The following EGF variants were observed in gnomAD, a reference collection of about 807,000 sequenced individuals.
The protein encoded by EGF is epidermal growth factor, also known as pro-epidermal growth factor.
Under a neutral mutation model 143.8 loss-of-function variants are expected in EGF, and 95 were observed. The ratio of observed to expected loss-of-function variants is 0.66; its 90% CI spans 0.56 to 0.78. The LOEUF is 0.78. Among genes scored for constraint, EGF ranks in the 30% least tolerant of loss-of-function variants. The pLI, the probability that EGF is intolerant of heterozygous loss-of-function variation, is 0.00. For missense variants in EGF, 1,320 were observed against 1,470.9 expected, an observed-to-expected ratio of 0.90 and a Z score of 1.68; for synonymous variants, 510 against 510.5, an observed-to-expected ratio of 1.00 and a Z score of 0.01.
intron 16 of EGF, among the ~76,000 whole-genome samples, chr4:109,985,555 G>A (rs981182116): frequency 1.3e-5 from 2 of 152,208 alleles, no homozygotes; most frequent in East Asian, 3.8e-4. Context: ...GGACATGTGT[G>A]CTAGTTGTTT....
chr4:109,966,038 A>ATATATAT (rs372873582), intron 10 of EGF, among the ~76,000 whole-genome samples: 3 of 150,392 alleles, frequency 2.0e-5, no homozygotes, highest in East Asian at 1.9e-4. Flanking sequence ...TCTTTAAAAA[A>ATATATAT]ATATATATAT....
At chr4:109,982,581 G>C (rs1749544383) in intron 15 of EGF, among the ~76,000 whole-genome samples, 1 of 152,160 alleles carries the variant, frequency 6.6e-6, no homozygotes, top group Non-Finnish European at 1.5e-5. Flanking sequence ...ACCCGCCTTG[G>C]CCTCCCAAAG....
Position 110,011,363 on chromosome 4 carries a change from G to T in EGF, c.3532G>T (p.Gly1178Cys), listed in dbSNP as rs376756269. 6.2e-7 allele frequency: 1 copy of T among 1,614,094 alleles called. No homozygotes were observed. ...CTATGGGACACAGACCCTTGAAGGGGGTGTCGAGAAGCCCCATTCTCTCCT... is the reference window on the plus strand; with the variant it reads ...CTATGGGACACAGACCCTTGAAGGGTGTGTCGAGAAGCCCCATTCTCTCCT... Reference protein sequence around the residue: ...PSYGTQTLEGGVEKPHSLLSA... With the variant: ...PSYGTQTLEGCVEKPHSLLSA... Residue 1178 changes from glycine to cysteine, a missense_variant, in exon 24 of 24, where the codon GGT becomes TGT. Gly to Cys is a radical substitution (Grantham distance 159). Transcript: ENST00000265171.
At chr4:109,979,774 A>G (rs1345934350) in intron 13 of EGF, among the ~76,000 whole-genome samples, 198 bp from the exon 14 acceptor site, 1 of 152,096 alleles carries the variant, frequency 6.6e-6, no homozygotes, top group East Asian at 1.9e-4. Context: ...CTATGCTCCC[A>G]TTCTAAGGTG....
At chr4:109,941,265 CA>C in intron 2 of EGF, 120 bp downstream of exon 2, 1 of 852,662 alleles carries the variant, frequency 1.2e-6, no homozygotes. Flanking sequence ...GCGTGTCTGC[CA>C]AATATAGGCA....
At chr4:110,010,173 C>A (rs1304824161) in intron 23 of EGF, among the ~76,000 whole-genome samples, 1 of 151,988 alleles carries the variant, frequency 6.6e-6, no homozygotes, top group Non-Finnish European at 1.5e-5. Context: ...GTAGGAGGAT[C>A]CCTTGAGCCT....
At chr4:109,999,488 G>C (rs1752264517) in intron 20 of EGF, among the ~76,000 whole-genome samples, 191 bp from the exon 21 acceptor site, 1 of 152,202 alleles carries the variant, frequency 6.6e-6, no homozygotes, top group Non-Finnish European at 1.5e-5. Context: ...ACAGACGAAA[G>C]GGAGAAGTCC....
chr4:109,978,498 T>C (rs1748847838), intron 13 of EGF, among the ~76,000 whole-genome samples: 1 of 152,182 alleles, frequency 6.6e-6, no homozygotes, highest in Non-Finnish European at 1.5e-5. Flanking sequence ...AAAAGACACG[T>C]ACTGTACAAT....
In EGF at chr4:109,999,667, G is replaced by T; in HGVS notation, c.3006-12G>T. ...GGCATCTCTGATGACCTCTGTTTGTGTGTTGTCACAGCTGTGTTGTTGGCT... is the reference window on the plus strand; with the variant it reads ...GGCATCTCTGATGACCTCTGTTTGTTTGTTGTCACAGCTGTGTTGTTGGCT... On this transcript the variant is annotated splice_polypyrimidine_tract_variant and intron_variant, in intron 20 of 23. Coordinates refer to ENST00000265171, the MANE Select transcript of EGF (RefSeq NM_001963.6). The T allele has an allele frequency of 6.2e-7, 1 of 1,614,160 alleles. No individual in the cohort carries two copies. Among genetic ancestry groups the T allele is most frequent in the Non-Finnish European group, 8.5e-7 (1 of 1,180,010 alleles).
At chr4:109,933,108 A>G (rs1740086012) in intron 1 of EGF, among the ~76,000 whole-genome samples, 1 of 152,156 alleles carries the variant, frequency 6.6e-6, no homozygotes, top group Non-Finnish European at 1.5e-5. Flanking sequence ...TTTTTTTCCC[A>G]TAATAATCCT....
intron 10 of EGF, 83 bp from the exon 11 acceptor site, chr4:109,968,888 A>G (rs1747097974): frequency 5.0e-6 from 8 of 1,588,108 alleles, no homozygotes; most frequent in Non-Finnish European, 3.4e-6. Context: ...AACACCCTGT[A>G]CAACCTAAAG....
At chr4:109,942,264 A>C (rs948611313) in intron 2 of EGF, among the ~76,000 whole-genome samples, 1 of 152,240 alleles carries the variant, frequency 6.6e-6, no homozygotes, top group Non-Finnish European at 1.5e-5. Flanking sequence ...CCATCCTTAT[A>C]TTCCTTCCTT....
At chr4:109,961,388 A>G (rs2126059355) in intron 7 of EGF, among the ~76,000 whole-genome samples, 1 of 152,106 alleles carries the variant, frequency 6.6e-6, no homozygotes, top group South Asian at 2.1e-4. Context: ...GGATGACTGG[A>G]CTCTACCCCA....
At chr4:109,919,741 G>A (rs1038974405) in intron 1 of EGF, among the ~76,000 whole-genome samples, 2 of 151,522 alleles carry the variant, frequency 1.3e-5, no homozygotes, top group Non-Finnish European at 2.9e-5. Flanking sequence ...GATGGGGTAA[G>A]GATGAGAGAG....
intron 22 of EGF, 79 bp from the exon 23 acceptor site, chr4:110,008,073 T>A (rs1753545232): frequency 9.2e-6 from 12 of 1,302,468 alleles, no homozygotes; most frequent in Non-Finnish European, 1.3e-5. Context: ...CGTAAAGCCA[T>A]AGACTTTGAT....
chr4:109,983,610 G>T (rs761882548), intron 16 of EGF, 69 bp downstream of exon 16: 8 of 1,602,318 alleles, frequency 5.0e-6, no homozygotes, highest in African/African-American at 2.7e-5. Flanking sequence ...GAGAAATTTT[G>T]AATTACCTTT....
At chr4:109,921,356 GT>G (rs539105815) in intron 1 of EGF, among the ~76,000 whole-genome samples, 16 of 145,418 alleles carry the variant, frequency 1.1e-4, no homozygotes, top group East Asian at 4.0e-4. Flanking sequence ...GTGAGCATCT[GT>G]TTTTTTTTTT....
Position 109,993,247 on chromosome 4 carries a change from ATATTGAT to A in EGF, c.2736_2742del (p.Asp912GlufsTer36). ...TCCCGTACTCTGTCTTTTCTGACAG[ATATTGAT>A]GAGTGCCAACTGGGGGAGCACAGCT... is the stretch of plus-strand genomic sequence containing the variant. On this transcript the variant is annotated frameshift_variant and splice_region_variant, in exon 19 of 24. Transcript: ENST00000265171. LOFTEE classifies it high-confidence loss of function. 1 of 1,613,672 alleles carries A rather than the reference ATATTGAT, an allele frequency of 6.2e-7. No homozygotes were observed. Among genetic ancestry groups the A allele is most frequent in the Non-Finnish European group, 8.5e-7 (1 of 1,179,890 alleles).
chr4:109,988,821 G>A (rs1560744225), intron 18 of EGF, 112 bp downstream of exon 18: 1 of 1,518,118 alleles, frequency 6.6e-7, no homozygotes, highest in African/African-American at 1.4e-5. Context: ...TGACACACAT[G>A]TCAAGATTTA....
Sources: allele counts gnomAD v4.1 joint callset (sites outside exome capture counted in the v4.1 genomes callset), GRCh38; gene constraint gnomAD v4.1.1; transcripts MANE v1.5; gene names NCBI Gene and HGNC (gene_info 2026-07-23, HGNC 2026-07-21).